The following CREB3 variants were observed in gnomAD, a reference collection of about 807,000 sequenced individuals.
CREB3 encodes the protein cAMP responsive element binding protein 3.
CREB3 carries 29 observed loss-of-function variants against 34.5 expected under a neutral mutation model. The ratio of observed to expected loss-of-function variants is 0.84; its 90% CI spans 0.63 to 1.15. The LOEUF is 1.15. CREB3 is among the 50% of genes most tolerant of loss of function. The pLI is 0.00. For missense variants in CREB3, 447 were observed against 443.4 expected (o/e 1.01, Z -0.07); for synonymous variants, 187 against 173.9 (o/e 1.08, Z -0.59).
chr9:35,733,848 G>A (rs886369172), intron 4 of CREB3, among the ~76,000 whole-genome samples: 1 of 152,068 alleles, frequency 6.6e-6, no homozygotes, highest in Non-Finnish European at 1.5e-5. Flanking sequence ...CAACAGGGTT[G>A]GACTAAGCAG....
chr9:35,735,974 C>T, intron 6 of CREB3, 74 bp from the exon 7 acceptor site: 1 of 1,162,026 alleles, frequency 8.6e-7, no homozygotes, highest in Non-Finnish European at 1.3e-6. Flanking sequence ...AGGAGGTGGC[C>T]TGAACAGGAG....
chr9:35,734,710 C>G (rs941831596), intron 4 of CREB3, among the ~76,000 whole-genome samples: 11 of 152,230 alleles, frequency 7.2e-5, no homozygotes, highest in African/African-American at 2.4e-4. Flanking sequence ...CCTCCTTCCT[C>G]AGTCTCCTGA....
intron 4 of CREB3, among the ~76,000 whole-genome samples, chr9:35,734,752 C>G (rs1826161132): frequency 6.6e-6 from 1 of 152,166 alleles, no homozygotes; most frequent in Non-Finnish European, 1.5e-5. Context: ...TGCCACCACA[C>G]CCGGCTAATT....
chr9:35,734,223 C>T (rs1026807116), intron 4 of CREB3, among the ~76,000 whole-genome samples: 18 of 152,018 alleles, frequency 1.2e-4, no homozygotes, highest in African/African-American at 3.4e-4. Flanking sequence ...AGTGATCTAC[C>T]CACCTTGGCC....
rs1826114969 is a variant in CREB3, at chr9:35,732,839, T to G, written c.67T>G (p.Leu23Val). ...CTTCCTGCTAGAGGAAAGTGGAGAT[T>G]TGGGGACGGCACCCGATGAGGCCGT... ...LAFLLEESGD[L>V]GTAPDEAVRA... Residue 23 changes from leucine to valine, a missense_variant, in exon 1 of 9, where the codon TTG becomes GTG. Physicochemically the swap from Leu to Val is conservative, Grantham distance 32. Transcript: ENST00000353704. This position sits in a 1 kb window ranked among gnomAD's most constrained non-coding sequence, Gnocchi z 5.1. 4 of 1,614,102 alleles carry G rather than the reference T, an allele frequency of 2.5e-6. No homozygotes were observed. Among genetic ancestry groups the G allele is most frequent in the East Asian group, 2.2e-5 (1 of 44,894 alleles).
chr9:35,736,153 A>G, intron 7 of CREB3, 21 bp downstream of exon 7: 1 of 1,613,228 alleles, frequency 6.2e-7, no homozygotes, highest in Non-Finnish European at 8.5e-7. Flanking sequence ...TGATGAGGGG[A>G]GAAATCCTTT....
At position 35,736,803 on chromosome 9, in the gene CREB3, AG is replaced by A; in HGVS notation, c.*80del. On this transcript the variant is annotated 3_prime_UTR_variant, in exon 9 of 9. Coordinates refer to ENST00000353704, the MANE Select transcript of CREB3 (RefSeq NM_006368.5). ...GTGTCCAAATAAAAAGCGGTGGGCA[AG>A]GGCTGGCCGCAGCTCCTGTGCCCTG... is the stretch of plus-strand genomic sequence containing the variant. 5.1e-6 allele frequency: 7 copies of A among 1,362,910 alleles called. No individual in the cohort carries two copies. Among genetic ancestry groups the A allele is most frequent in the Non-Finnish European group, 7.1e-6 (7 of 992,056 alleles). 84.4% of individuals were successfully genotyped at this position (1,362,910 alleles called of 1,614,324 possible).
Position 35,732,984 on chromosome 9 carries a change from A to C in CREB3, c.130-12A>C, listed in dbSNP as rs752064748. 2.5e-5 allele frequency: 41 copies of C among 1,613,876 alleles called. 1 individual carries two copies. The East Asian group carries it at 8.9e-4, about 35-fold the overall frequency. On this transcript the variant is annotated splice_polypyrimidine_tract_variant and intron_variant, in intron 1 of 8. Coordinates refer to ENST00000353704, the MANE Select transcript of CREB3 (RefSeq NM_006368.5). This position sits in a 1 kb window ranked among gnomAD's most constrained non-coding sequence, Gnocchi z 5.1. ...GATAAGGTCAAGGCCTGTTCATTGG[A>C]ACCCTGCGCAGGTACCGAGCGACTG...
At position 35,736,439 on chromosome 9, in the gene CREB3, C is replaced by G; in HGVS notation, c.829C>G (p.Leu277Val). The part of the protein sequence containing the change: ...RALPSEDPYQ[L>V]ELPALQSEVP... ...CCTCCCCAGTGAGGACCCTTACCAG[C>G]TGGAGCTGCCTGCCCTGCAGTCAGA... The change falls in exon 9 of 9, where the codon CTG becomes GTG. Residue 277 changes from leucine to valine, a missense_variant. Transcript: ENST00000353704. 3 of 1,614,138 alleles carry G rather than the reference C, an allele frequency of 1.9e-6. No homozygotes were observed. In the South Asian group the frequency reaches 3.3e-5, roughly 18 times the overall value.
At chr9:35,735,824 GTTT>G in intron 6 of CREB3, among the ~76,000 whole-genome samples, 1 of 152,052 alleles carries the variant, frequency 6.6e-6, no homozygotes, top group East Asian at 1.9e-4. Flanking sequence ...TCCTGGCAGA[GTTT>G]TTTTGTTTTG....
In CREB3 at chr9:35,736,147, GA is replaced by G. The variant is rs747180031; in HGVS notation, c.696+16del. The G allele has an allele frequency of 1.1e-5, 17 of 1,613,156 alleles. No individual in the cohort carries two copies. In the African/African-American group the frequency reaches 2.1e-4, roughly 20 times the overall value. On this transcript the variant is annotated intron_variant, in intron 7 of 8. Coordinates refer to ENST00000353704, the MANE Select transcript of CREB3 (RefSeq NM_006368.5). ...CCTGCATCTTGGTGAGGATGGTGAT[GA>G]GGGGAGAAATCCTTTTCTCAGTTGG...
chr9:35,733,779 A>G (rs972204511), intron 4 of CREB3, among the ~76,000 whole-genome samples: 1 of 152,152 alleles, frequency 6.6e-6, no homozygotes, highest in African/African-American at 2.4e-5. Flanking sequence ...GGGCCTTGAC[A>G]CTTCGTTGGC....
At chr9:35,735,250 A>C (rs780610944) in intron 5 of CREB3, 35 bp downstream of exon 5, 1 of 1,612,214 alleles carries the variant, frequency 6.2e-7, no homozygotes, top group East Asian at 2.2e-5. Context: ...TGTAAGTATT[A>C]GGTTTTTGAA....
chr9:35,736,740 T>TG lies in CREB3; in HGVS notation c.*20dup, dbSNP rs545873178. On this transcript the variant is annotated 3_prime_UTR_variant, in exon 9 of 9. Coordinates refer to ENST00000353704, the MANE Select transcript of CREB3 (RefSeq NM_006368.5). ...TACTCAGGCTAGATATGAGGATATG[T>TG]GGGGGGTCTCAGCAGGAGCCTGGGG... 5.8e-3 allele frequency: 9,198 copies of TG among 1,589,784 alleles called. 43 individuals carry two copies. The highest frequency in any genetic ancestry group is 6.8e-3 in the Non-Finnish European group (7,977 of 1,170,228).
intron 4 of CREB3, among the ~76,000 whole-genome samples, chr9:35,734,397 C>T (rs1258701879): frequency 1.3e-5 from 2 of 152,008 alleles, no homozygotes; most frequent in African/African-American, 4.8e-5. Context: ...ACATCTTTGA[C>T]AGATACTAAG....
chr9:35,735,852 T>TTTG (rs140460839), intron 6 of CREB3, among the ~76,000 whole-genome samples, 196 bp from the exon 7 acceptor site: 6,498 of 152,156 alleles, frequency 0.043, 446 homozygotes, highest in African/African-American at 0.15. Context: ...GTTTTTGCTT[T>TTTG]TTGTTGTTGT....
rs748802089 is a variant in CREB3, at chr9:35,736,240, CCTT to C, written c.713_715del (p.Phe238del). 12 of 1,614,054 alleles carry C rather than the reference CCTT, an allele frequency of 7.4e-6. No homozygotes were observed. In the Admixed American group the frequency reaches 1.3e-4, roughly 18 times the overall value. On this transcript the variant is annotated inframe_deletion, in exon 8 of 9. Coordinates refer to ENST00000353704, the MANE Select transcript of CREB3 (RefSeq NM_006368.5). Reference sequence around the variant, plus strand: ...CCTGTGCTCTAGGTCCTACTAGTCTCCTTCTGCCTCCTCCTTGTACCTGCTATG... The same window carrying C: ...CCTGTGCTCTAGGTCCTACTAGTCTCCTGCCTCCTCCTTGTACCTGCTATG...
rs747915928 is a variant in CREB3 at position 35,735,103 on chromosome 9, T to C, written c.436-6T>C. On this transcript the variant is annotated splice_region_variant and splice_polypyrimidine_tract_variant and intron_variant, in intron 4 of 8. Transcript: ENST00000353704. ...TAATGATATCCCTTTCCCTGTTTCC[T>C]TTCAGACAGAGGAACAAATTCTGAA... 2.5e-6 allele frequency: 4 copies of C among 1,598,618 alleles called. No homozygotes were observed. Among genetic ancestry groups the C allele is most frequent in the Non-Finnish European group, 3.4e-6 (4 of 1,176,000 alleles).
chr9:35,734,617 A>G (rs907644151), intron 4 of CREB3, among the ~76,000 whole-genome samples: 1 of 152,196 alleles, frequency 6.6e-6, no homozygotes, highest in African/African-American at 2.4e-5. Flanking sequence ...GTTTGAAGAC[A>G]GGTTCTTGCT....
Sources: gnomAD v4.1 joint callset for allele counts (sites outside exome capture counted in the v4.1 genomes callset) on GRCh38, gnomAD v4.1.1 for gene constraint, Gnocchi (gnomAD v3.1) non-coding constraint, MANE v1.5 for transcripts, NCBI Gene and HGNC (gene_info 2026-07-23, HGNC 2026-07-21) for gene names.